The following OPCML variants were observed in gnomAD, a reference collection of about 807,000 sequenced individuals.
OPCML encodes the protein opioid binding protein/cell adhesion molecule like, also known as opioid-binding protein/cell adhesion molecule.
A neutral mutation model predicts 37.8 loss-of-function variants in OPCML; 13 were observed. That is an observed-to-expected ratio of 0.34 (90% CI 0.22 to 0.55). OPCML has a LOEUF of 0.55. Ranked by LOEUF, OPCML falls within the 20% of genes least tolerant of loss-of-function variation. OPCML has a pLI of 0.91. For missense variants in OPCML, 341 were observed against 435.6 expected (o/e 0.78, Z 1.93); for synonymous variants, 176 against 168.8 (o/e 1.04, Z -0.33).
intron 1 of OPCML, among the ~76,000 whole-genome samples, chr11:133,227,782 C>T (rs1157363844): frequency 6.6e-6 from 1 of 152,184 alleles, no homozygotes; most frequent in Non-Finnish European, 1.5e-5. Flanking sequence ...CCAGAGAGTG[C>T]CTTTTCATCG....
intron 1 of OPCML, among the ~76,000 whole-genome samples, chr11:133,085,259 G>A (rs1056491632): frequency 6.6e-6 from 1 of 152,180 alleles, no homozygotes; most frequent in Non-Finnish European, 1.5e-5. Context: ...GCCTGGGATT[G>A]ACAGAGTTCA....
chr11:132,491,693 C>G (rs536002751), intron 4 of OPCML, among the ~76,000 whole-genome samples: 2 of 152,138 alleles, frequency 1.3e-5, no homozygotes, highest in African/African-American at 4.8e-5. Flanking sequence ...TCGCTTTGAG[C>G]GAGGCACTGT....
intron 3 of OPCML, among the ~76,000 whole-genome samples, chr11:132,563,689 G>A (rs527922588): frequency 6.6e-6 from 1 of 151,926 alleles, no homozygotes; most frequent in Non-Finnish European, 1.5e-5. Flanking sequence ...TTTCCTTTCA[G>A]TGTCCACATA....
At chr11:132,527,616 A>G (rs1565638640) in intron 4 of OPCML, among the ~76,000 whole-genome samples, 1 of 151,960 alleles carries the variant, frequency 6.6e-6, no homozygotes, top group African/African-American at 2.4e-5. Flanking sequence ...CTAGATGTAA[A>G]TTTTTTGTCA....
At chr11:132,881,648 G>T (rs1208931057) in intron 2 of OPCML, among the ~76,000 whole-genome samples, 1 of 151,866 alleles carries the variant, frequency 6.6e-6, no homozygotes, top group Admixed American at 6.6e-5. Context: ...AGAAAAAAAG[G>T]CCGTCTTCAG....
intron 4 of OPCML, among the ~76,000 whole-genome samples, chr11:132,500,685 C>G (rs1030815875): frequency 6.6e-6 from 1 of 152,082 alleles, no homozygotes; most frequent in Non-Finnish European, 1.5e-5. Flanking sequence ...GCTATTTGTC[C>G]TAATGCTCTC....
chr11:132,590,354 G>A (rs531473617), intron 3 of OPCML, among the ~76,000 whole-genome samples: 1 of 148,992 alleles, frequency 6.7e-6, no homozygotes, highest in South Asian at 2.2e-4. Context: ...CCTCCCCCAG[G>A]ACCACATCTA....
chr11:132,617,673 T>C (rs1338419911), intron 3 of OPCML, among the ~76,000 whole-genome samples: 1 of 152,238 alleles, frequency 6.6e-6, no homozygotes, highest in Non-Finnish European at 1.5e-5. Context: ...GGATCTGAGA[T>C]GAAGTTGGCA....
At chr11:133,119,962 G>T (rs1030817923) in intron 1 of OPCML, among the ~76,000 whole-genome samples, 2 of 152,160 alleles carry the variant, frequency 1.3e-5, no homozygotes, top group Non-Finnish European at 2.9e-5. Flanking sequence ...GCAGAATTGT[G>T]TGGAGTCAAA....
intron 2 of OPCML, among the ~76,000 whole-genome samples, chr11:132,852,180 T>C (rs1213205628): frequency 6.6e-6 from 1 of 152,210 alleles, no homozygotes; most frequent in Non-Finnish European, 1.5e-5. Context: ...TGCAGTTGCC[T>C]TTCTTTGCTC....
chr11:132,655,862 CTTTTTTT>C (rs1181492812), intron 3 of OPCML, among the ~76,000 whole-genome samples: 1 of 134,416 alleles, frequency 7.4e-6, no homozygotes, highest in African/African-American at 2.7e-5. Flanking sequence ...CATCGTGGTC[CTTTTTTT>C]TTTTTTTTTT....
At chr11:133,010,303 T>G (rs1175149310) in intron 1 of OPCML, among the ~76,000 whole-genome samples, 7 of 152,188 alleles carry the variant, frequency 4.6e-5, no homozygotes, top group Non-Finnish European at 1.0e-4. Context: ...GCAGAATGTT[T>G]GCTATACAGA....
intron 1 of OPCML, among the ~76,000 whole-genome samples, chr11:133,373,309 T>C (rs565080933): frequency 7.1e-4 from 107 of 151,654 alleles, no homozygotes; most frequent in South Asian, 1.7e-3. Flanking sequence ...ACACCTGTAA[T>C]AGCAACACTT....
In OPCML at chr11:133,174,485, C is replaced by T. The variant is rs528190; in HGVS notation, c.62-231475G>A. ...ACATACCAACATTTAATTGTAATGACGTAAAGGTGATTATGAACATTACGA... is the reference window on the plus strand; with the variant it reads ...ACATACCAACATTTAATTGTAATGATGTAAAGGTGATTATGAACATTACGA... On this transcript the variant is annotated intron_variant, in intron 1 of 7. Coordinates refer to ENST00000524381, the MANE Select transcript of OPCML (RefSeq NM_001012393.5). The surrounding 1 kb of genome is among the most constrained non-coding windows in gnomAD (Gnocchi z 4.6). Among the ~76,000 whole-genome samples the T allele has an allele frequency of 0.22, 32,932 of 151,896 alleles. 3,714 individuals are homozygous for T. The highest frequency in any genetic ancestry group is 0.23 in the South Asian group (1,103 of 4,808).
chr11:132,812,995 ACT>A (rs1019620169), intron 2 of OPCML, among the ~76,000 whole-genome samples: 3 of 152,224 alleles, frequency 2.0e-5, no homozygotes, highest in African/African-American at 7.2e-5. Flanking sequence ...CCCTGAAAAC[ACT>A]GAGCAGTTCT....
At chr11:133,153,645 G>A (rs1012597147) in intron 1 of OPCML, among the ~76,000 whole-genome samples, 1 of 152,232 alleles carries the variant, frequency 6.6e-6, no homozygotes. Context: ...ACAGCAGAGG[G>A]GCTTATGTCT....
chr11:132,663,462 T>C (rs542036935), intron 2 of OPCML, among the ~76,000 whole-genome samples: 2 of 152,376 alleles, frequency 1.3e-5, no homozygotes, highest in Admixed American at 6.5e-5. Flanking sequence ...TTTTCATTTC[T>C]ATTGTAATTG....
chr11:133,317,059 G>T (rs193115872), intron 1 of OPCML, among the ~76,000 whole-genome samples: 5 of 152,158 alleles, frequency 3.3e-5, no homozygotes, highest in Non-Finnish European at 7.3e-5. Context: ...TTAGCTGGGC[G>T]TGGTGGCGAA....
chr11:132,676,789 GAAAA>G (rs1196087295), intron 2 of OPCML, among the ~76,000 whole-genome samples: 26 of 93,808 alleles, frequency 2.8e-4, no homozygotes, highest in African/African-American at 7.8e-4. Context: ...AAACAAACAA[GAAAA>G]AAAAAAAAAA....
Sources: allele counts gnomAD v4.1 joint callset (sites outside exome capture counted in the v4.1 genomes callset), GRCh38; gene constraint gnomAD v4.1.1; non-coding constraint Gnocchi (gnomAD v3.1); transcripts MANE v1.5; gene names NCBI Gene and HGNC (gene_info 2026-07-23, HGNC 2026-07-21).